The following PLEKHA5 variants were observed in gnomAD, a reference collection of about 807,000 sequenced individuals.
PLEKHA5 encodes the protein pleckstrin homology domain-containing family A member 5.
In PLEKHA5, 55 loss-of-function variants were observed where a neutral mutation model predicts 181.9. The ratio of observed to expected loss-of-function variants is 0.30; its 90% CI spans 0.24 to 0.38. The LOEUF is 0.38. Among genes scored for constraint, PLEKHA5 ranks in the 10% least tolerant of loss-of-function variants. The pLI is 1.00. For synonymous variants in PLEKHA5, 535 were observed against 529.4 expected (o/e 1.01, Z -0.15); for missense variants, 1,432 against 1,549.5 (o/e 0.92, Z 1.27).
chr12:19,326,034 T>C (rs978007764), intron 20 of PLEKHA5, among the ~76,000 whole-genome samples: 1 of 151,734 alleles, frequency 6.6e-6, no homozygotes, highest in South Asian at 2.1e-4. Context: ...TAAAATAAAA[T>C]AAAATAAATA....
intron 3 of PLEKHA5, among the ~76,000 whole-genome samples, chr12:19,160,401 A>C (rs1341699116): frequency 6.6e-6 from 1 of 152,124 alleles, no homozygotes; most frequent in Non-Finnish European, 1.5e-5. Context: ...TATTGCAACC[A>C]AATGGGACAT....
chr12:19,348,650 T>G, intron 25 of PLEKHA5, 131 bp downstream of exon 25: 2 of 544,574 alleles, frequency 3.7e-6, no homozygotes, highest in Non-Finnish European at 6.0e-6. Context: ...ACCTTTGGAC[T>G]CTGATGAGTT....
At position 19,358,267 on chromosome 12, in the gene PLEKHA5, G is replaced by A. The variant is rs376498032; in HGVS notation, c.3178G>A (p.Glu1060Lys). The A allele has an allele frequency of 9.3e-6, 15 of 1,613,874 alleles. No homozygotes were observed. The highest frequency in any genetic ancestry group is 1.2e-5 in the Non-Finnish European group (14 of 1,179,948). Residue 1060 changes from glutamate (E) to lysine (K), a missense_variant, in exon 27 of 32, where the codon GAA (glutamate) becomes AAA (lysine). Around this residue, in one of 2 missense-constraint regions of PLEKHA5, gnomAD observed 1,143 missense variants for 1,168.4 expected, o/e 0.98. Transcript: ENST00000429027. ...TGCAGTGGAACAGCTCTGTTTGGCT[G>A]AAAGTACTCGACCAAGGATGACTGT... Reference protein sequence around the residue: ...RSAVEQLCLAESTRPRMTVEE... With the variant: ...RSAVEQLCLAKSTRPRMTVEE...
chr12:19,350,129 A>C (rs767774812), intron 25 of PLEKHA5, among the ~76,000 whole-genome samples: 1 of 152,134 alleles, frequency 6.6e-6, no homozygotes, highest in African/African-American at 2.4e-5. Flanking sequence ...AAAATAACAG[A>C]TAGATATATC....
intron 21 of PLEKHA5, among the ~76,000 whole-genome samples, chr12:19,338,377 T>G (rs749288801): frequency 6.6e-6 from 1 of 151,718 alleles, no homozygotes; most frequent in Non-Finnish European, 1.5e-5. Flanking sequence ...CCCAGCACTT[T>G]GGGAGGCCGT....
intron 26 of PLEKHA5, 39 bp downstream of exon 26, chr12:19,354,041 C>T: frequency 3.2e-6 from 3 of 925,880 alleles, no homozygotes; most frequent in Non-Finnish European, 5.1e-6. Flanking sequence ...AAGATTCTCA[C>T]ATCTATTTAT....
intron 3 of PLEKHA5, among the ~76,000 whole-genome samples, chr12:19,218,088 T>A (rs1299610359): frequency 6.6e-6 from 1 of 152,184 alleles, no homozygotes; most frequent in African/African-American, 2.4e-5. Flanking sequence ...TCAGATGATT[T>A]AAGTTATTTC....
intron 29 of PLEKHA5, 33 bp from the exon 30 acceptor site, chr12:19,365,931 A>G: frequency 1.3e-6 from 2 of 1,536,148 alleles, no homozygotes; most frequent in Non-Finnish European, 1.8e-6. Context: ...TTCTATAGTG[A>G]CAAATTTTTA....
intron 12 of PLEKHA5, among the ~76,000 whole-genome samples, chr12:19,285,150 G>A (rs10466783): frequency 0.064 from 9,775 of 152,084 alleles, 529 homozygotes; most frequent in East Asian, 0.19. Flanking sequence ...GAACTCCATC[G>A]TAACAAAGTT....
At chr12:19,267,240 G>A (rs1357488994) in intron 8 of PLEKHA5, among the ~76,000 whole-genome samples, 1 of 152,148 alleles carries the variant, frequency 6.6e-6, no homozygotes, top group Non-Finnish European at 1.5e-5. Flanking sequence ...AAAGAGGGGG[G>A]AAGTGCTGCT....
rs2033239986 is a variant in PLEKHA5 at position 19,130,416 on chromosome 12, A to C, written c.169+286A>C. ...CATCCCAGCCTAGACGACCCTCGCGACCCTAGAGTGGCGACGCTCCCCTCC... is the reference window on the plus strand; with the variant it reads ...CATCCCAGCCTAGACGACCCTCGCGCCCCTAGAGTGGCGACGCTCCCCTCC... On this transcript the variant is annotated intron_variant, in intron 2 of 31. Transcript: ENST00000429027. This position sits in a 1 kb window ranked among gnomAD's most constrained non-coding sequence, Gnocchi z 4.5. Among the ~76,000 whole-genome samples the C allele has an allele frequency of 6.7e-6, 1 of 148,362 alleles. No individual in the cohort carries two copies. The highest frequency in any genetic ancestry group is 1.5e-5 in the Non-Finnish European group (1 of 66,996).
At chr12:19,194,511 A>T (rs1334306045) in intron 3 of PLEKHA5, among the ~76,000 whole-genome samples, 27 of 152,318 alleles carry the variant, frequency 1.8e-4, no homozygotes. Context: ...GTTTATTGAG[A>T]AATCTTCATA....
At chr12:19,307,834 A>G (rs2084638115) in intron 15 of PLEKHA5, among the ~76,000 whole-genome samples, 1 of 152,070 alleles carries the variant, frequency 6.6e-6, no homozygotes, top group Non-Finnish European at 1.5e-5. Context: ...ACAGAGAGAC[A>G]ACAACGAAGA....
Position 19,334,850 on chromosome 12 carries a change from ATATATATATATATATATATC to A in PLEKHA5, c.2449-1663_2449-1644del, listed in dbSNP as rs1565630134. Among the ~76,000 whole-genome samples, 15 of 69,112 alleles carry A rather than the reference ATATATATATATATATATATC, an allele frequency of 2.2e-4. 2 individuals carry two copies. The highest frequency in any genetic ancestry group is 9.7e-4 in the South Asian group (2 of 2,072). 45.3% of individuals were successfully genotyped at this position (69,112 alleles called of 152,430 possible). On this transcript the variant is annotated intron_variant, in intron 20 of 31. Transcript: ENST00000429027. ...AAAAAATATATATATATATATATAT[ATATATATATATATATATATC>A]TCTGTATACGCACACACACACAAAA...
intron 20 of PLEKHA5, among the ~76,000 whole-genome samples, chr12:19,335,883 C>T (rs921655944): frequency 6.6e-6 from 1 of 152,112 alleles, no homozygotes; most frequent in Non-Finnish European, 1.5e-5. Context: ...CTGCCCCCGT[C>T]AGCCTCCCAA....
At chr12:19,148,586 C>T (rs895122933) in intron 3 of PLEKHA5, among the ~76,000 whole-genome samples, 5 of 152,090 alleles carry the variant, frequency 3.3e-5, no homozygotes, top group African/African-American at 2.4e-5. Context: ...AGGCCTGGTT[C>T]GATTCAAGTT....
rs115245667 is a variant in PLEKHA5, at chr12:19,224,091, T to G, written c.228-29849T>G. On this transcript the variant is annotated intron_variant, in intron 3 of 31. Coordinates refer to ENST00000429027, the MANE Select transcript of PLEKHA5 (RefSeq NM_001256470.2). ...ATCATTAATAGGATATTTAATAGAT[T>G]AACTGTCTTCCTCCACTGTTTATAC... Among the ~76,000 whole-genome samples, 1,436 of 152,316 alleles carry G rather than the reference T, an allele frequency of 9.4e-3. 17 individuals carry two copies. The highest frequency in any genetic ancestry group is 0.032 in the African/African-American group (1,349 of 41,558).
At chr12:19,340,635 G>A (rs2153164094) in intron 21 of PLEKHA5, among the ~76,000 whole-genome samples, 1 of 146,094 alleles carries the variant, frequency 6.8e-6, no homozygotes, top group Non-Finnish European at 1.5e-5. Flanking sequence ...TTGGGATCCT[G>A]TTGATCTGTG....
intron 21 of PLEKHA5, among the ~76,000 whole-genome samples, chr12:19,337,579 A>G (rs1283242520): frequency 6.6e-6 from 1 of 151,710 alleles, no homozygotes; most frequent in Non-Finnish European, 1.5e-5. Flanking sequence ...AGAAATAATA[A>G]TACTTGTCTT....
Sources: allele counts gnomAD v4.1 joint callset (sites outside exome capture counted in the v4.1 genomes callset), GRCh38; gene constraint gnomAD v4.1.1; regional missense constraint gnomAD v4.1.1; non-coding constraint Gnocchi (gnomAD v3.1); transcripts MANE v1.5; gene names NCBI Gene and HGNC (gene_info 2026-07-23, HGNC 2026-07-21).